Variants in HYCC2 observed in about 807,000 individuals in gnomAD.
HYCC2 encodes the protein hyccin PI4KA lipid kinase complex subunit 2.
the HYCC2 span, among the ~76,000 whole-genome samples, chr2:200,991,312 A>G: frequency 1.3e-5 from 2 of 151,970 alleles, no homozygotes; most frequent in Non-Finnish European, 2.9e-5. Flanking sequence ...TCTACTAAAA[A>G]TACAAAAATT....
chr2:200,977,427 C>T, the HYCC2 span: 1 of 152,074 alleles, frequency 6.6e-6, no homozygotes, highest in South Asian at 2.1e-4. Context: ...CTTCTTAGCA[C>T]AATTCTGATT....
chr2:201,069,913 A>G, the HYCC2 span, among the ~76,000 whole-genome samples: 11 of 152,192 alleles, frequency 7.2e-5, no homozygotes, highest in African/African-American at 2.7e-4. Flanking sequence ...CCATTAATAG[A>G]AAAAAATCAC....
At chr2:200,990,923 G>C in the HYCC2 span, among the ~76,000 whole-genome samples, 2 of 150,610 alleles carry the variant, frequency 1.3e-5, no homozygotes, top group South Asian at 4.2e-4. Context: ...GGCCAGGCTG[G>C]TCTTGAACTT....
chr2:200,988,790 G>A, the HYCC2 span, among the ~76,000 whole-genome samples: 1 of 152,144 alleles, frequency 6.6e-6, no homozygotes, highest in Non-Finnish European at 1.5e-5. Context: ...CTGTTTACAT[G>A]AGGAGAAATG....
the HYCC2 span, chr2:200,981,686 T>C: frequency 2.7e-5 from 44 of 1,614,170 alleles, no homozygotes; most frequent in Non-Finnish European, 3.6e-5. The surrounding 1 kb of genome is among the most constrained non-coding windows in gnomAD (Gnocchi z 4.5). Context: ...CTGGATTTGA[T>C]GGCAGAGGCT....
the HYCC2 span, chr2:200,988,120 G>T: frequency 1.9e-6 from 1 of 515,096 alleles, no homozygotes; most frequent in Non-Finnish European, 3.2e-6. Flanking sequence ...TAGACATTTA[G>T]TCACATTTCT....
the HYCC2 span, among the ~76,000 whole-genome samples, chr2:201,046,974 G>A: frequency 6.6e-6 from 1 of 152,094 alleles, no homozygotes; most frequent in Admixed American, 6.6e-5. Flanking sequence ...AAGAGAATCA[G>A]ACTCACAGAT....
chr2:201,038,811 G>A, the HYCC2 span, among the ~76,000 whole-genome samples: 136 of 152,062 alleles, frequency 8.9e-4, no homozygotes, highest in African/African-American at 3.2e-3. Flanking sequence ...GAGTTAGTGG[G>A]TGCAGTACAC....
the HYCC2 span, among the ~76,000 whole-genome samples, chr2:201,069,412 G>A: frequency 9.2e-5 from 14 of 152,212 alleles, no homozygotes; most frequent in African/African-American, 3.1e-4. Flanking sequence ...TTGGACTAGT[G>A]TTTCTTTAGC....
the HYCC2 span, among the ~76,000 whole-genome samples, chr2:201,024,913 A>T: frequency 6.6e-5 from 10 of 152,026 alleles, no homozygotes; most frequent in Non-Finnish European, 1.3e-4. Context: ...GTTCCAGACC[A>T]GCCTGGGCAA....
chr2:200,975,378 A>C, the HYCC2 span: 1 of 152,022 alleles, frequency 6.6e-6, no homozygotes, highest in South Asian at 2.1e-4. Context: ...TTTATACTCA[A>C]ATACAGCAAA....
chr2:200,977,229 C>T, the HYCC2 span: 1 of 152,152 alleles, frequency 6.6e-6, no homozygotes, highest in Non-Finnish European at 1.5e-5. Flanking sequence ...TAGACCAGAA[C>T]TATAAAGAAA....
At chr2:201,024,045 A>AC in the HYCC2 span, 28 of 1,544,534 alleles carry the variant, frequency 1.8e-5, no homozygotes, top group Non-Finnish European at 2.4e-5. Context: ...TATCTCTAAA[A>AC]GAAAAAAGTA....
At chr2:201,012,952 TACACACACACACAC>T in the HYCC2 span, among the ~76,000 whole-genome samples, 6 of 146,316 alleles carry the variant, frequency 4.1e-5, no homozygotes, top group Non-Finnish European at 7.6e-5. Flanking sequence ...TTTCAAAAAA[TACACACACACACAC>T]ACACACACAC....
chr2:200,992,401 C>A, the HYCC2 span: 3 of 1,348,878 alleles, frequency 2.2e-6, no homozygotes, highest in Non-Finnish European at 3.2e-6. Flanking sequence ...TACTCTTGAG[C>A]AAATATCTAA....
At chr2:201,025,881 C>T in the HYCC2 span, among the ~76,000 whole-genome samples, 1,720 of 152,134 alleles carry the variant, frequency 0.011, 16 homozygotes, top group Non-Finnish European at 0.017. Context: ...AAACACAGCA[C>T]GAGATTCCCA....
the HYCC2 span, among the ~76,000 whole-genome samples, chr2:200,983,676 A>G: frequency 2.0e-5 from 3 of 152,174 alleles, no homozygotes; most frequent in Non-Finnish European, 2.9e-5. Flanking sequence ...CATATGATAC[A>G]TTTTAGTAAT....
the HYCC2 span, among the ~76,000 whole-genome samples, chr2:201,001,287 CT>C: frequency 6.6e-6 from 1 of 152,126 alleles, no homozygotes; most frequent in Non-Finnish European, 1.5e-5. Flanking sequence ...GCACTTTAAG[CT>C]TGTACTTTCG....
At chr2:200,993,897 G>C in the HYCC2 span, among the ~76,000 whole-genome samples, 1 of 152,040 alleles carries the variant, frequency 6.6e-6, no homozygotes, top group South Asian at 2.1e-4. Context: ...GTGAACCTGG[G>C]AAGTGGAGCT....
Sources: gnomAD v4.1 joint callset for allele counts (sites outside exome capture counted in the v4.1 genomes callset) on GRCh38, gnomAD v4.1.1 for gene constraint, Gnocchi (gnomAD v3.1) non-coding constraint, MANE v1.5 for transcripts, NCBI Gene and HGNC (gene_info 2026-07-23, HGNC 2026-07-21) for gene names.